SLC22A25: variants seen among roughly 807,000 people sequenced by gnomAD.
The protein encoded by SLC22A25 is solute carrier family 22 member 25.
A neutral mutation model predicts 45.9 loss-of-function variants in SLC22A25; 44 were observed. That is an observed-to-expected ratio of 0.96 (90% CI 0.75 to 1.23). The LOEUF is 1.23. Among genes scored for constraint, SLC22A25 ranks in the 50% most tolerant of loss-of-function variants. SLC22A25 has a pLI of 0.00. For synonymous variants in SLC22A25, 283 were observed against 238.6 expected (o/e 1.19, Z -1.72); for missense variants, 800 against 666.4 (o/e 1.20, Z -2.21).
intron 7 of SLC22A25, among the ~76,000 whole-genome samples, chr11:63,188,548 A>G (rs1194204374): frequency 1.3e-5 from 2 of 151,994 alleles, no homozygotes; most frequent in African/African-American, 4.8e-5. Context: ...TATCTCCTTC[A>G]GTTCTGCTCT....
At chr11:63,200,756 C>T (rs1015062064) in intron 7 of SLC22A25, among the ~76,000 whole-genome samples, 8 of 152,112 alleles carry the variant, frequency 5.3e-5, no homozygotes, top group Non-Finnish European at 1.2e-4. Flanking sequence ...ATCAAGAAAA[C>T]CCCATAGTCT....
chr11:63,195,000 A>G (rs965293465), intron 7 of SLC22A25, among the ~76,000 whole-genome samples: 4 of 151,136 alleles, frequency 2.6e-5, no homozygotes, highest in Non-Finnish European at 4.4e-5. Flanking sequence ...CAAAAGAGAC[A>G]AAGAAGGCCA....
At chr11:63,193,786 A>G (rs977881521) in intron 7 of SLC22A25, among the ~76,000 whole-genome samples, 6 of 152,356 alleles carry the variant, frequency 3.9e-5, no homozygotes, top group African/African-American at 1.4e-4. Context: ...CCTGCCAGCA[A>G]TGGAACAAAG....
intron 1 of SLC22A25, among the ~76,000 whole-genome samples, chr11:63,240,280 G>T (rs1224503169): frequency 2.0e-5 from 3 of 152,196 alleles, no homozygotes; most frequent in Non-Finnish European, 2.9e-5. Context: ...GTGAGTCAGT[G>T]TGTGAGTGGT....
chr11:63,192,148 C>A (rs1346276638), intron 7 of SLC22A25, among the ~76,000 whole-genome samples: 5 of 152,098 alleles, frequency 3.3e-5, no homozygotes, highest in Admixed American at 1.3e-4. Context: ...TCAGATGAAA[C>A]CCCCTACAAG....
At chr11:63,186,557 C>G (rs1400932183) in intron 7 of SLC22A25, among the ~76,000 whole-genome samples, 61 of 152,170 alleles carry the variant, frequency 4.0e-4, no homozygotes, top group East Asian at 2.3e-3. Context: ...AATTAGATTC[C>G]ATTTGTCAAT....
intron 7 of SLC22A25, among the ~76,000 whole-genome samples, chr11:63,200,966 C>G (rs1484766765): frequency 3.3e-5 from 5 of 152,096 alleles, no homozygotes; most frequent in African/African-American, 7.2e-5. Context: ...TGAAAGATCT[C>G]TACAAGGAGA....
intron 9 of SLC22A25, chr11:63,168,024 A>G: frequency 3.0e-6 from 1 of 328,376 alleles, no homozygotes; most frequent in Non-Finnish European, 6.1e-6. Context: ...CCAAGCAAAC[A>G]GGATCTGGAG....
intron 8 of SLC22A25, among the ~76,000 whole-genome samples, 195 bp from the exon 9 acceptor site, chr11:63,180,970 G>T (rs1437662733): frequency 2.0e-5 from 3 of 152,140 alleles, no homozygotes; most frequent in Non-Finnish European, 4.4e-5. Context: ...AAGCCTCAGA[G>T]AAATTATTTA....
At chr11:63,213,662 C>T (rs373884049) in intron 7 of SLC22A25, among the ~76,000 whole-genome samples, 62 of 152,252 alleles carry the variant, frequency 4.1e-4, no homozygotes, top group Admixed American at 1.3e-3. Flanking sequence ...CTATAAATAC[C>T]TTGAACCCAG....
chr11:63,221,777 T>G lies in SLC22A25; in HGVS notation c.507-4042A>C, dbSNP rs375709662. On this transcript the variant is annotated intron_variant, in intron 5 of 11. Transcript: ENST00000306494. ...CATAGTTTGAGGTCTTAGATTTAAATTTTTAATTCATTTTGATTTAATTTT... is the reference window on the plus strand; with the variant it reads ...CATAGTTTGAGGTCTTAGATTTAAAGTTTTAATTCATTTTGATTTAATTTT... Among the ~76,000 whole-genome samples the G allele has an allele frequency of 4.4e-4, 67 of 152,328 alleles. 3 individuals carry two copies. The highest frequency in any genetic ancestry group is 2.3e-3 in the East Asian group (12 of 5,190).
Position 63,239,076 on chromosome 11 carries a change from C to A in SLC22A25, c.-936G>T. 2 of 176,334 alleles carry A rather than the reference C, an allele frequency of 1.1e-5. No individual in the cohort carries two copies. The highest frequency in any genetic ancestry group is 2.6e-4 in the East Asian group (2 of 7,694). The allele number at this position is 176,334 out of a possible 1,614,324, so 10.9% of individuals were successfully genotyped here. ...ACCATCTGAAGGATCTGAAATCTCC[C>A]CAAGCCACCAACTTGATCCAAGAAG... is the stretch of plus-strand genomic sequence containing the variant. On this transcript the variant is annotated 5_prime_UTR_variant, in exon 2 of 12. Transcript: ENST00000306494.
intron 7 of SLC22A25, among the ~76,000 whole-genome samples, chr11:63,198,443 C>T (rs1351778696): frequency 6.6e-6 from 1 of 152,086 alleles, no homozygotes; most frequent in African/African-American, 2.4e-5. Flanking sequence ...AGGTGGAAAC[C>T]AGCACTCTGA....
intron 7 of SLC22A25, among the ~76,000 whole-genome samples, chr11:63,215,742 G>A (rs1391693225): frequency 6.6e-6 from 1 of 152,038 alleles, no homozygotes; most frequent in African/African-American, 2.4e-5. Context: ...AGTACCCATA[G>A]TTATCTTTTC....
intron 7 of SLC22A25, among the ~76,000 whole-genome samples, chr11:63,199,498 A>G (rs1590850347): frequency 6.6e-6 from 1 of 152,106 alleles, no homozygotes; most frequent in Non-Finnish European, 1.5e-5. Flanking sequence ...AAGAGACAGG[A>G]TATACTAAGA....
At chr11:63,166,858 A>C in intron 9 of SLC22A25, 1 of 985,304 alleles carries the variant, frequency 1.0e-6, no homozygotes, top group Non-Finnish European at 1.2e-6. Flanking sequence ...ATTTTTTGGA[A>C]TAAGAGGTAG....
intron 7 of SLC22A25, among the ~76,000 whole-genome samples, chr11:63,213,746 C>T (rs1412260381): frequency 6.6e-6 from 1 of 152,176 alleles, no homozygotes; most frequent in African/African-American, 2.4e-5. Flanking sequence ...ACCTTCCCCA[C>T]TGTTGCATAA....
intron 7 of SLC22A25, among the ~76,000 whole-genome samples, chr11:63,192,893 T>G (rs1480292002): frequency 1.3e-5 from 2 of 152,126 alleles, no homozygotes; most frequent in Non-Finnish European, 2.9e-5. Context: ...GTGGGAGATT[T>G]TAACACTCCA....
chr11:63,197,635 A>G (rs1342229894), intron 7 of SLC22A25, among the ~76,000 whole-genome samples: 5 of 152,236 alleles, frequency 3.3e-5, no homozygotes, highest in African/African-American at 1.2e-4. Context: ...AAGAAGACCT[A>G]GGCAGTACCA....
Sources: allele counts gnomAD v4.1 joint callset (sites outside exome capture counted in the v4.1 genomes callset), GRCh38; gene constraint gnomAD v4.1.1; transcripts MANE v1.5; gene names NCBI Gene and HGNC (gene_info 2026-07-23, HGNC 2026-07-21).